The following DNAH11 variants were observed in gnomAD, a reference collection of about 807,000 sequenced individuals.
DNAH11 encodes the protein axonemal beta dynein heavy chain 11.
DNAH11 carries 442 observed loss-of-function variants against 526.0 expected under a neutral mutation model. The observed-to-expected ratio is 0.84, with a 90% CI of 0.78 to 0.91. The LOEUF (loss-of-function observed/expected upper bound fraction) is 0.91. DNAH11 is among the 40% of genes least tolerant of loss of function. The pLI is 0.00. For synonymous variants in DNAH11, 2,461 were observed against 1,935.9 expected (o/e 1.27, Z -7.12); for missense variants, 6,989 against 5,448.7 (o/e 1.28, Z -8.90).
chr7:21,727,671 T>G (rs552749264), intron 45 of DNAH11, among the ~76,000 whole-genome samples: 14 of 152,330 alleles, frequency 9.2e-5, no homozygotes, highest in African/African-American at 3.1e-4. Flanking sequence ...CTTATTATTT[T>G]GGGAGTGCTG....
At chr7:21,815,700 A>G (rs1226206511) in intron 63 of DNAH11, among the ~76,000 whole-genome samples, 2 of 152,204 alleles carry the variant, frequency 1.3e-5, no homozygotes, top group Admixed American at 1.3e-4. Flanking sequence ...TGTACGTAGA[A>G]AATGCTCAAT....
At chr7:21,831,511 C>G (rs1334758453) in intron 65 of DNAH11, among the ~76,000 whole-genome samples, 2 of 152,174 alleles carry the variant, frequency 1.3e-5, no homozygotes, top group Non-Finnish European at 2.9e-5. Context: ...GAAATCTAAA[C>G]ATATCAAATA....
At chr7:21,725,334 C>T (rs1193426320) in intron 44 of DNAH11, among the ~76,000 whole-genome samples, 1 of 152,042 alleles carries the variant, frequency 6.6e-6, no homozygotes, top group Non-Finnish European at 1.5e-5. Flanking sequence ...ATAGAGTTGC[C>T]AGTTGTTTAC....
At chr7:21,740,189 A>T (rs1465423637) in intron 48 of DNAH11, among the ~76,000 whole-genome samples, 1 of 145,224 alleles carries the variant, frequency 6.9e-6, no homozygotes, top group South Asian at 2.1e-4. Context: ...GTAACAATTG[A>T]TCTTTTGTCT....
At chr7:21,703,365 A>G (rs972820666) in intron 37 of DNAH11, 3 of 153,926 alleles carry the variant, frequency 1.9e-5, no homozygotes, top group African/African-American at 4.8e-5. Context: ...GATATGTGTT[A>G]TCAGTCCATT....
chr7:21,766,705 C>G (rs181137957), intron 55 of DNAH11, among the ~76,000 whole-genome samples: 104 of 137,684 alleles, frequency 7.6e-4, no homozygotes, highest in Non-Finnish European at 1.3e-3. Flanking sequence ...TTTTCCTTTG[C>G]TTCTACAAAA....
chr7:21,896,367 A>T lies in DNAH11; in HGVS notation c.13049+1368A>T, dbSNP rs79237900. On this transcript the variant is annotated intron_variant, in intron 79 of 81. Coordinates refer to ENST00000409508, the MANE Select transcript of DNAH11 (RefSeq NM_001277115.2). ...TGATAGTTTACTTATACGTAGAATTATAGGACACGATTATTTTTCCTTCAG... is the reference window on the plus strand; with the variant it reads ...TGATAGTTTACTTATACGTAGAATTTTAGGACACGATTATTTTTCCTTCAG... 3.3e-3 allele frequency among the ~76,000 whole-genome samples: 506 copies of T among 152,302 alleles called. 6 individuals carry two copies. Among genetic ancestry groups the T allele is most frequent in the Non-Finnish European group, 5.6e-3 (382 of 68,020 alleles).
rs1459636984 is a variant in DNAH11 at position 21,681,692 on chromosome 7, G to C, written c.5460+15G>C. 2 of 1,613,514 alleles carry C rather than the reference G, an allele frequency of 1.2e-6. No homozygotes were observed. Among genetic ancestry groups the C allele is most frequent in the Non-Finnish European group, 1.7e-6 (2 of 1,179,622 alleles). ...TTTCTCAGAAGGCAAGTTGTTTGTA[G>C]AAATTTTATGTATTCATTATTGTTT... On this transcript the variant is annotated intron_variant, in intron 31 of 81. Transcript: ENST00000409508.
intron 45 of DNAH11, among the ~76,000 whole-genome samples, chr7:21,729,767 C>T (rs1326368704): frequency 6.6e-6 from 1 of 152,160 alleles, no homozygotes; most frequent in Non-Finnish European, 1.5e-5. Context: ...CATATTTCCA[C>T]CAACAGTCTC....
rs776842155 is a variant in DNAH11 at position 21,606,715 on chromosome 7, A to G, written c.3834A>G (p.Pro1278=). ...CTCTTGGATTTAATGCAGAAAATCCATACACAGCGCTTGATAAGGTAATAC... is the reference window on the plus strand; with the variant it reads ...CTCTTGGATTTAATGCAGAAAATCCGTACACAGCGCTTGATAAGGTAATAC... The part of the protein sequence containing the change: ...YAPLGFNAEN[P]YTALDKANEE... Residue 1278 remains proline, a synonymous_variant, in exon 20 of 82, where the codon CCA becomes CCG. Coordinates refer to ENST00000409508, the MANE Select transcript of DNAH11 (RefSeq NM_001277115.2). The G allele has an allele frequency of 6.2e-7, 1 of 1,609,876 alleles. No individual in the cohort carries two copies. The highest frequency in any genetic ancestry group is 1.1e-5 in the South Asian group (1 of 90,468).
intron 54 of DNAH11, among the ~76,000 whole-genome samples, chr7:21,759,276 C>T (rs1786782030): frequency 6.6e-6 from 1 of 152,134 alleles, no homozygotes; most frequent in Non-Finnish European, 1.5e-5. Flanking sequence ...TCAAACATTA[C>T]CTCTAGCAAA....
intron 75 of DNAH11, 91 bp downstream of exon 75, chr7:21,880,984 T>A: frequency 8.3e-7 from 1 of 1,211,790 alleles, no homozygotes; most frequent in Non-Finnish European, 1.1e-6. Flanking sequence ...ATTTCTCTTT[T>A]GAAGCTATTA....
At chr7:21,736,106 A>T (rs1297433095) in intron 46 of DNAH11, among the ~76,000 whole-genome samples, 1 of 152,190 alleles carries the variant, frequency 6.6e-6, no homozygotes, top group Non-Finnish European at 1.5e-5. Flanking sequence ...TTAATGTGTT[A>T]CCTCGAAACC....
intron 61 of DNAH11, among the ~76,000 whole-genome samples, chr7:21,797,311 C>T (rs1164784124): frequency 2.7e-5 from 4 of 148,468 alleles, no homozygotes; most frequent in Admixed American, 2.0e-4. Context: ...CCTCCACCTC[C>T]GAGGTTCAAG....
In DNAH11 at chr7:21,658,929, A is replaced by C; in HGVS notation, c.5226A>C (p.Ala1742=). 39 of 1,610,850 alleles carry C rather than the reference A, an allele frequency of 2.4e-5. No individual in the cohort carries two copies. The highest frequency in any genetic ancestry group is 3.2e-5 in the Non-Finnish European group (38 of 1,178,628). ...LWIFDFPAQV[A]LTSSQIWWTT... ...TTTTTGATTTCCCAGCTCAGGTTGC[A>C]CTAACCAGCTCACAAATATGGTGGA... is the stretch of plus-strand genomic sequence containing the variant. The change falls in exon 30 of 82, where the codon GCA becomes GCC. Residue 1742 remains alanine (A), a synonymous_variant. Transcript: ENST00000409508.
rs745515822 is a variant in DNAH11, at chr7:21,687,342, C to T, written c.5779-40C>T. Reference sequence around the variant, plus strand: ...TTATTCAATATAATAGCGTAAAAACCCCTTCTGTTAAATTCTGAGTGCCTC... The same window carrying T: ...TTATTCAATATAATAGCGTAAAAACTCCTTCTGTTAAATTCTGAGTGCCTC... On this transcript the variant is annotated intron_variant, in intron 33 of 81. Coordinates refer to ENST00000409508, the MANE Select transcript of DNAH11 (RefSeq NM_001277115.2). 6 of 1,581,782 alleles carry T rather than the reference C, an allele frequency of 3.8e-6. No individual in the cohort carries two copies. In the East Asian group the frequency reaches 9.0e-5, roughly 24 times the overall value.
At chr7:21,894,466 A>C (rs111597866) in intron 77 of DNAH11, among the ~76,000 whole-genome samples, 157 bp from the exon 78 acceptor site, 2 of 152,112 alleles carry the variant, frequency 1.3e-5, no homozygotes, top group Non-Finnish European at 2.9e-5. Flanking sequence ...CATGCTGCCC[A>C]CCTCCTGGGA....
rs574882323 is a variant in DNAH11, at chr7:21,544,217, C to T, written c.351+621C>T. Among the ~76,000 whole-genome samples the T allele has an allele frequency of 1.1e-4, 17 of 152,248 alleles. No homozygotes were observed. The South Asian group carries it at 3.3e-3, about 30-fold the overall frequency. On this transcript the variant is annotated intron_variant, in intron 1 of 81. Transcript: ENST00000409508. ...TTAACGTATCACCTAACGTACAGCACTTGTATTTAGTATTTTTCAAGTATG... is the reference window on the plus strand; with the variant it reads ...TTAACGTATCACCTAACGTACAGCATTTGTATTTAGTATTTTTCAAGTATG...
intron 45 of DNAH11, 37 bp from the exon 46 acceptor site, chr7:21,735,603 C>T (rs1490722856): frequency 1.3e-6 from 2 of 1,545,456 alleles, no homozygotes; most frequent in Non-Finnish European, 8.8e-7. Flanking sequence ...CTCTCTCTCT[C>T]TTTCTGATCT....
Sources: gnomAD v4.1 joint callset for allele counts (sites outside exome capture counted in the v4.1 genomes callset) on GRCh38, gnomAD v4.1.1 for gene constraint, MANE v1.5 for transcripts, NCBI Gene and HGNC (gene_info 2026-07-23, HGNC 2026-07-21) for gene names.